The following BRK1 variants were observed in gnomAD, a reference collection of about 807,000 sequenced individuals.
BRK1 encodes the protein BRICK1 subunit of SCAR/WAVE actin nucleating complex.
Under a neutral mutation model 9.9 loss-of-function variants are expected in BRK1, and 6 were observed. The observed-to-expected ratio is 0.60, with a 90% CI of 0.33 to 1.19. The LOEUF is 1.19. Ranked by LOEUF, BRK1 falls within the 50% of genes most tolerant of loss-of-function variation. The pLI, the probability that BRK1 is intolerant of heterozygous loss-of-function variation, is 0.04. For synonymous variants in BRK1, 44 were observed against 31.9 expected, an observed-to-expected ratio of 1.38 and a Z score of -1.28; for missense variants, 62 against 97.5, an observed-to-expected ratio of 0.64 and a Z score of 1.53.
At chr3:10,116,207 C>T (rs995851499) in intron 1 of BRK1, among the ~76,000 whole-genome samples, 1 of 152,194 alleles carries the variant, frequency 6.6e-6, no homozygotes, top group Non-Finnish European at 1.5e-5. Context: ...CCGTGTCACT[C>T]CTCTGTTTCA....
At chr3:10,119,417 C>T (rs1360765664) in intron 1 of BRK1, among the ~76,000 whole-genome samples, 1 of 152,116 alleles carries the variant, frequency 6.6e-6, no homozygotes, top group East Asian at 1.9e-4. Flanking sequence ...AAGATCGTGC[C>T]ACTGTACTCC....
At chr3:10,121,882 C>CTTTTTTTTT (rs911888155) in intron 1 of BRK1, among the ~76,000 whole-genome samples, 1 of 88,138 alleles carries the variant, frequency 1.1e-5, no homozygotes, top group Non-Finnish European at 2.1e-5. Flanking sequence ...CACCCGGCCA[C>CTTTTTTTTT]TTTTTTTTTT....
chr3:10,117,518 T>G (rs1363796171), intron 1 of BRK1, among the ~76,000 whole-genome samples: 3 of 150,882 alleles, frequency 2.0e-5, no homozygotes, highest in African/African-American at 7.3e-5. Flanking sequence ...CCCCGCCTCC[T>G]GAGTAGCTAG....
At chr3:10,123,438 C>CTTT (rs869148224) in intron 1 of BRK1, among the ~76,000 whole-genome samples, 1 of 136,024 alleles carries the variant, frequency 7.4e-6, no homozygotes. Context: ...ACTTTCTTTC[C>CTTT]TTTTTTTTTT....
rs1488574985 is a variant in BRK1 at position 10,125,693 on chromosome 3, G to C, written c.186G>C (p.Glu62Asp). The C allele has an allele frequency of 1.2e-6, 2 of 1,612,242 alleles. No homozygotes were observed. The highest frequency in any genetic ancestry group is 2.2e-5 in the South Asian group (2 of 90,784). ...EKLTALERRIEYIEARVTKGE... is the reference protein window; with the variant it reads ...EKLTALERRIDYIEARVTKGE... ...TGACAGCCCTTGAACGGAGAATAGA[G>C]TACATTGAAGCTCGGGTGAGTTTGA... is the stretch of plus-strand genomic sequence containing the variant. The change falls in exon 2 of 3, where the codon GAG (glutamate) becomes GAC (aspartate). Residue 62 changes from glutamate to aspartate, a missense_variant. By Grantham distance (45) the Glu-to-Asp change is conservative. Transcript: ENST00000530758.
At chr3:10,121,404 T>C (rs999269107) in intron 1 of BRK1, among the ~76,000 whole-genome samples, 5 of 152,164 alleles carry the variant, frequency 3.3e-5, no homozygotes, top group Admixed American at 1.3e-4. Flanking sequence ...GTAGTGTGCA[T>C]TGGGATGCAC....
intron 1 of BRK1, 89 bp from the exon 2 acceptor site, chr3:10,125,534 GTAT>G: frequency 1.3e-6 from 1 of 756,802 alleles, no homozygotes; most frequent in Non-Finnish European, 2.2e-6. Context: ...TGTATTCTGT[GTAT>G]TATTCCTCTT....
chr3:10,120,247 T>A (rs1171724573), intron 1 of BRK1, among the ~76,000 whole-genome samples: 1 of 151,868 alleles, frequency 6.6e-6, no homozygotes, highest in Admixed American at 6.6e-5. Flanking sequence ...CAGGCTTGAG[T>A]ACAGTGGTGC....
intron 1 of BRK1, among the ~76,000 whole-genome samples, chr3:10,120,756 C>T (rs1328506672): frequency 2.0e-5 from 3 of 152,148 alleles, no homozygotes; most frequent in African/African-American, 7.2e-5. Flanking sequence ...TATTTCTCAA[C>T]AGTGTTTATC....
At chr3:10,115,954 C>T in intron 1 of BRK1, 135 bp downstream of exon 1, 3 of 694,280 alleles carry the variant, frequency 4.3e-6, no homozygotes, top group South Asian at 1.7e-5. Flanking sequence ...CTTCAGGTCC[C>T]ACCTTCTCCC....
rs1695847584 is a variant in BRK1 at position 10,126,792 on chromosome 3, T to G, written c.*497T>G. The G allele has an allele frequency of 6.5e-6, 1 of 153,768 alleles. No individual in the cohort carries two copies. The highest frequency in any genetic ancestry group is 2.4e-5 in the African/African-American group (1 of 41,470). 9.5% of individuals were successfully genotyped at this position (153,768 alleles called of 1,614,324 possible). Reference sequence around the variant, plus strand: ...GAATGTTGTTGCTAACCCACCAGTTTCTTGTTGATTTGGAGAGGTCAAGGC... The same window carrying G: ...GAATGTTGTTGCTAACCCACCAGTTGCTTGTTGATTTGGAGAGGTCAAGGC... On this transcript the variant is annotated 3_prime_UTR_variant, in exon 3 of 3. Coordinates refer to ENST00000530758, the MANE Select transcript of BRK1 (RefSeq NM_018462.5).
intron 1 of BRK1, among the ~76,000 whole-genome samples, chr3:10,118,252 CAAAAA>C (rs59622736): frequency 7.4e-5 from 5 of 67,468 alleles, no homozygotes; most frequent in African/African-American, 2.6e-4. Flanking sequence ...ACTCTGTCTC[CAAAAA>C]AAAAAAAAAA....
chr3:10,121,644 A>T (rs1442017659), intron 1 of BRK1, among the ~76,000 whole-genome samples: 1 of 152,236 alleles, frequency 6.6e-6, no homozygotes, highest in Non-Finnish European at 1.5e-5. Context: ...ACGGTGAAAC[A>T]GACATGTAAA....
intron 1 of BRK1, among the ~76,000 whole-genome samples, chr3:10,122,857 G>T (rs568625197): frequency 6.6e-6 from 1 of 152,348 alleles, no homozygotes; most frequent in South Asian, 2.1e-4. Context: ...AGATGAGTAA[G>T]ATTTGGACAT....
intron 1 of BRK1, among the ~76,000 whole-genome samples, chr3:10,119,872 T>G (rs1482851198): frequency 6.6e-6 from 1 of 152,150 alleles, no homozygotes; most frequent in East Asian, 1.9e-4. Flanking sequence ...AAATCTTGGT[T>G]TTTGTACTGA....
rs755219044 is a variant in BRK1, at chr3:10,115,691, A to G, written c.-11A>G. 4 of 1,611,416 alleles carry G rather than the reference A, an allele frequency of 2.5e-6. No individual in the cohort carries two copies. The highest frequency in any genetic ancestry group is 1.3e-5 in the African/African-American group (1 of 74,888). ...GGCGCCTGCGCAGTCGCTCTTCCTC[A>G]GGCGGCGGCCATGGCGGGACAGGAG... On this transcript the variant is annotated 5_prime_UTR_variant, in exon 1 of 3. Transcript: ENST00000530758.
In BRK1 at chr3:10,125,724, A is replaced by T. The variant is rs769551856; in HGVS notation, c.201+16A>T. 1 of 1,572,346 alleles carries T rather than the reference A, an allele frequency of 6.4e-7. No homozygotes were observed. The highest frequency in any genetic ancestry group is 8.7e-7 in the Non-Finnish European group (1 of 1,146,046). On this transcript the variant is annotated intron_variant, in intron 2 of 2. Transcript: ENST00000530758. The stretch of plus-strand genomic sequence containing the variant: ...TGAAGCTCGGGTGAGTTTGATGGGC[A>T]AGGGCATTCCAGAGAGAATGCACAT...
At chr3:10,119,542 A>T (rs1695730525) in intron 1 of BRK1, among the ~76,000 whole-genome samples, 1 of 152,188 alleles carries the variant, frequency 6.6e-6, no homozygotes, top group African/African-American at 2.4e-5. Context: ...GACCACAGAG[A>T]ATCTGCATGG....
intron 1 of BRK1, among the ~76,000 whole-genome samples, chr3:10,116,102 C>T (rs1695681897): frequency 6.6e-6 from 1 of 152,168 alleles, no homozygotes; most frequent in African/African-American, 2.4e-5. Context: ...GCCCCATCCT[C>T]GCTCCGTGGT....
Sources: allele counts gnomAD v4.1 joint callset (sites outside exome capture counted in the v4.1 genomes callset), GRCh38; gene constraint gnomAD v4.1.1; transcripts MANE v1.5; gene names NCBI Gene and HGNC (gene_info 2026-07-23, HGNC 2026-07-21).